Variants in C12orf42 observed in about 807,000 individuals in gnomAD.
The protein encoded by C12orf42 is chromosome 12 open reading frame 42.
C12orf42 carries 25 observed loss-of-function variants against 21.6 expected under a neutral mutation model. The observed-to-expected ratio is 1.16, with a 90% CI of 0.84 to 1.62. The LOEUF (loss-of-function observed/expected upper bound fraction) is 1.62. Ranked by LOEUF, C12orf42 falls within the 40% of genes most tolerant of loss-of-function variation. C12orf42 has a pLI of 0.00. For synonymous variants in C12orf42, 174 were observed against 175.0 expected (o/e 0.99, Z 0.05); for missense variants, 483 against 459.3 (o/e 1.05, Z -0.47).
At chr12:103,466,532 A>C (rs548962491) in intron 2 of C12orf42, among the ~76,000 whole-genome samples, 5 of 151,718 alleles carry the variant, frequency 3.3e-5, no homozygotes, top group African/African-American at 1.2e-4. Context: ...ACTTTTAATA[A>C]TAGGTTATAA....
chr12:103,429,766 A>G (rs1950125058), intron 2 of C12orf42, among the ~76,000 whole-genome samples: 1 of 152,176 alleles, frequency 6.6e-6, no homozygotes, highest in Non-Finnish European at 1.5e-5. Context: ...TGGTACAAAA[A>G]CAGATACATA....
At chr12:103,269,498 AAT>A (rs2035337176) in intron 6 of C12orf42, among the ~76,000 whole-genome samples, 1 of 152,172 alleles carries the variant, frequency 6.6e-6, no homozygotes, top group African/African-American at 2.4e-5. Context: ...CTATTTCATT[AAT>A]ATCCCCTGCC....
the C12orf42 span, among the ~76,000 whole-genome samples, chr12:103,160,665 C>G: frequency 1.3e-5 from 2 of 152,138 alleles, no homozygotes; most frequent in Admixed American, 1.3e-4. Flanking sequence ...CACCCCAATC[C>G]CTTATTGAAT....
At chr12:103,049,809 AT>A in the C12orf42 span, among the ~76,000 whole-genome samples, 1 of 152,058 alleles carries the variant, frequency 6.6e-6, no homozygotes, top group East Asian at 1.9e-4. Flanking sequence ...ATCTGCTTAG[AT>A]GGTTTCCTGG....
At chr12:103,281,927 G>GA (rs1816334733) in intron 4 of C12orf42, among the ~76,000 whole-genome samples, 2 of 146,014 alleles carry the variant, frequency 1.4e-5, no homozygotes, top group Admixed American at 6.7e-5. Flanking sequence ...AAGAAAGAAA[G>GA]AAAGAAAGAA....
chr12:103,459,523 A>G (rs1952545156), intron 2 of C12orf42, among the ~76,000 whole-genome samples: 1 of 152,122 alleles, frequency 6.6e-6, no homozygotes, highest in African/African-American at 2.4e-5. Flanking sequence ...ACCTCCTGCC[A>G]TGATTGTAAG....
At chr12:103,139,581 G>A in the C12orf42 span, among the ~76,000 whole-genome samples, 5 of 151,952 alleles carry the variant, frequency 3.3e-5, no homozygotes, top group African/African-American at 7.2e-5. Context: ...AAATTATGAC[G>A]TATGTATCTC....
the C12orf42 span, among the ~76,000 whole-genome samples, chr12:103,096,274 T>C: frequency 6.6e-6 from 1 of 152,230 alleles, no homozygotes; most frequent in Non-Finnish European, 1.5e-5. Context: ...TTTTTGTTAG[T>C]AAATAATCAT....
chr12:103,521,361 C>T, the C12orf42 span, among the ~76,000 whole-genome samples: 6 of 152,140 alleles, frequency 3.9e-5, no homozygotes, highest in African/African-American at 1.2e-4. Flanking sequence ...TTTAAAAAAG[C>T]GAGATCATGT....
chr12:103,169,995 T>C, the C12orf42 span, among the ~76,000 whole-genome samples: 1 of 152,116 alleles, frequency 6.6e-6, no homozygotes, highest in Non-Finnish European at 1.5e-5. Flanking sequence ...ATTTTGTATA[T>C]AGAAGGAACC....
the C12orf42 span, among the ~76,000 whole-genome samples, chr12:103,545,830 C>T: frequency 2.6e-5 from 4 of 152,166 alleles, no homozygotes; most frequent in Non-Finnish European, 5.9e-5. Context: ...CAGTACCCAC[C>T]TTGGACTGCT....
At chr12:103,436,326 G>C (rs1950708811) in intron 2 of C12orf42, among the ~76,000 whole-genome samples, 1 of 151,648 alleles carries the variant, frequency 6.6e-6, no homozygotes, top group Non-Finnish European at 1.5e-5. Flanking sequence ...ATCGAGACTA[G>C]GAAGAAACTA....
chr12:103,296,935 A>C (rs925713431), intron 4 of C12orf42, among the ~76,000 whole-genome samples: 4 of 152,200 alleles, frequency 2.6e-5, no homozygotes, highest in African/African-American at 9.7e-5. Context: ...GTCCTTGCCC[A>C]TGCCTATGTC....
At position 103,478,550 on chromosome 12, in the gene C12orf42, GA is replaced by G. The variant is rs562769064; in HGVS notation, c.-21-104del. The G allele has an allele frequency of 4.7e-5, 23 of 485,928 alleles. No individual in the cohort carries two copies. The South Asian group carries it at 7.8e-4, about 16-fold the overall frequency. 30.1% of individuals were successfully genotyped at this position (485,928 alleles called of 1,614,324 possible). A position where few individuals can be genotyped will look rare whatever the true frequency, so the allele number is the denominator to read the frequency against. ...TAAGAGCCAGAATCATCCTATCCAT[GA>G]ACATAGTATTTCTTGCCAGTGACTT... On this transcript the variant is annotated intron_variant, in intron 1 of 5. Transcript: ENST00000548883.
chr12:103,122,581 T>C, the C12orf42 span, among the ~76,000 whole-genome samples: 2 of 152,106 alleles, frequency 1.3e-5, no homozygotes, highest in African/African-American at 4.8e-5. Context: ...TAAAATAATA[T>C]TTTTATAAAA....
chr12:103,341,933 A>C (rs1170631170), intron 4 of C12orf42, among the ~76,000 whole-genome samples: 1 of 152,226 alleles, frequency 6.6e-6, no homozygotes, highest in Non-Finnish European at 1.5e-5. Flanking sequence ...TAATCATGTG[A>C]GTCAATAGTT....
chr12:103,123,240 A>G, the C12orf42 span, among the ~76,000 whole-genome samples: 17 of 152,278 alleles, frequency 1.1e-4, no homozygotes, highest in South Asian at 3.5e-3. Context: ...ACCTAAGGAA[A>G]AATTCAGCCA....
chr12:103,380,094 T>C (rs1001238391), intron 3 of C12orf42, among the ~76,000 whole-genome samples: 2 of 152,216 alleles, frequency 1.3e-5, no homozygotes, highest in African/African-American at 4.8e-5. Flanking sequence ...GAAGAATTAC[T>C]GTATTTATTA....
the C12orf42 span, among the ~76,000 whole-genome samples, chr12:103,528,826 T>C: frequency 5.9e-5 from 9 of 152,232 alleles, no homozygotes; most frequent in Admixed American, 1.3e-4. Flanking sequence ...AATGCTACAC[T>C]GGATGCTTTC....
Sources: allele counts gnomAD v4.1 joint callset (sites outside exome capture counted in the v4.1 genomes callset), GRCh38; gene constraint gnomAD v4.1.1; transcripts MANE v1.5; gene names NCBI Gene and HGNC (gene_info 2026-07-23, HGNC 2026-07-21).